Variants in CCNY observed in about 807,000 individuals in gnomAD.
CCNY encodes the protein cyclin Y.
In CCNY, 19 loss-of-function variants were observed where a neutral mutation model predicts 42.8. That is an observed-to-expected ratio of 0.44 (90% CI 0.31 to 0.65). CCNY has a LOEUF of 0.65. Ranked by LOEUF, CCNY falls within the 30% of genes least tolerant of loss-of-function variation. The probability of loss-of-function intolerance (pLI) is 0.07; values close to 1 mark genes in which losing one functional copy is unlikely to be tolerated. For synonymous variants in CCNY, 165 were observed against 162.7 expected (o/e 1.01, Z -0.11); for missense variants, 370 against 437.3 (o/e 0.85, Z 1.37).
chr10:35,307,818 A>ATTTTT (rs1241404700), intron 3 of CCNY, among the ~76,000 whole-genome samples: 1 of 96,168 alleles, frequency 1.0e-5, no homozygotes, highest in South Asian at 3.5e-4. Context: ...ATATATATAT[A>ATTTTT]TTTTTTTTTT....
chr10:35,472,354 T>C (rs1476091556), intron 1 of CCNY, among the ~76,000 whole-genome samples: 1 of 152,220 alleles, frequency 6.6e-6, no homozygotes, highest in Non-Finnish European at 1.5e-5. Flanking sequence ...TGAGCATCTC[T>C]TTGGGGAATG....
chr10:35,336,553 C>T lies in CCNY; in HGVS notation c.-501C>T, dbSNP rs1836032875. 6.7e-6 allele frequency among the ~76,000 whole-genome samples: 1 copy of T among 149,070 alleles called. No individual in the cohort carries two copies. The highest frequency in any genetic ancestry group is 6.7e-5 in the Admixed American group (1 of 15,002). On this transcript the variant is annotated 5_prime_UTR_variant, in exon 1 of 10. Transcript: ENST00000374704. Reference sequence around the variant, plus strand: ...CACCGCGCCGCGAGGAGTCCGGGGGCTGCGCCCACGCCCGCTGCCCGCCCG... The same window carrying T: ...CACCGCGCCGCGAGGAGTCCGGGGGTTGCGCCCACGCCCGCTGCCCGCCCG...
intron 1 of CCNY, among the ~76,000 whole-genome samples, chr10:35,423,143 C>A (rs1268138472): frequency 6.6e-6 from 1 of 152,092 alleles, no homozygotes; most frequent in Non-Finnish European, 1.5e-5. Context: ...GCCTTTAATT[C>A]ATTTCCACTT....
intron 1 of CCNY, among the ~76,000 whole-genome samples, chr10:35,344,984 A>G (rs966419568): frequency 5.3e-5 from 8 of 152,328 alleles, no homozygotes; most frequent in Middle Eastern, 3.4e-3. Flanking sequence ...ATTGTTGGAC[A>G]TTTGGGTTGG....
At chr10:35,536,941 A>G (rs551509781) in intron 7 of CCNY, among the ~76,000 whole-genome samples, 91 of 152,332 alleles carry the variant, frequency 6.0e-4, no homozygotes, top group African/African-American at 2.1e-3. Flanking sequence ...GTTAATCCCC[A>G]AGACAATGGG....
chr10:35,257,087 T>G (rs1449599090), intron 3 of CCNY, among the ~76,000 whole-genome samples: 1 of 152,046 alleles, frequency 6.6e-6, no homozygotes, highest in Non-Finnish European at 1.5e-5. Flanking sequence ...AAATCTTTGT[T>G]TCTCCATATG....
chr10:35,565,957 G>C, intron 8 of CCNY, 66 bp from the exon 9 acceptor site: 1 of 1,522,618 alleles, frequency 6.6e-7, no homozygotes, highest in Non-Finnish European at 8.9e-7. Flanking sequence ...CCAGCAACTT[G>C]CCTTGGCAGG....
chr10:35,250,240 C>T (rs1259005833), intron 2 of CCNY, among the ~76,000 whole-genome samples: 4 of 151,184 alleles, frequency 2.6e-5, no homozygotes, highest in Non-Finnish European at 5.9e-5. Flanking sequence ...TGGTGGGCTC[C>T]TGTAATCCCA....
chr10:35,565,562 CCTT>C (rs1211395251), intron 8 of CCNY, among the ~76,000 whole-genome samples: 1 of 152,202 alleles, frequency 6.6e-6, no homozygotes, highest in East Asian at 1.9e-4. Flanking sequence ...ACAGTTCCTC[CCTT>C]CTTTTCTCCC....
chr10:35,538,898 G>A (rs1840940661), intron 7 of CCNY, among the ~76,000 whole-genome samples: 2 of 152,022 alleles, frequency 1.3e-5, no homozygotes, highest in African/African-American at 4.8e-5. Context: ...CTTCCTTTAG[G>A]AGTTTTATAA....
Position 35,280,058 on chromosome 10 carries a change from C to T in CCNY, c.-9+29432C>T, listed in dbSNP as rs141115729. Among the ~76,000 whole-genome samples the T allele has an allele frequency of 1.1e-3, 165 of 152,336 alleles. 1 individual carries two copies. Among genetic ancestry groups the T allele is most frequent in the Non-Finnish European group, 1.8e-3 (121 of 68,042 alleles). The stretch of plus-strand genomic sequence containing the variant: ...TTGTTCAGATCACCAAAGATCTCCA[C>T]GTTTCATCTTTGTATCTATGTCCAG... On this transcript the variant is annotated intron_variant, in intron 3 of 11. Transcript: ENST00000374706.
At chr10:35,295,591 C>A (rs564799404) in intron 3 of CCNY, among the ~76,000 whole-genome samples, 2 of 152,208 alleles carry the variant, frequency 1.3e-5, no homozygotes, top group African/African-American at 4.8e-5. Context: ...TTTACCCTAC[C>A]CCAGCCCCTG....
chr10:35,365,341 T>C (rs1010789283), intron 1 of CCNY, among the ~76,000 whole-genome samples: 5 of 152,214 alleles, frequency 3.3e-5, no homozygotes, highest in African/African-American at 4.8e-5. Context: ...TTTAAAAAAG[T>C]GGTTGCTGTT....
intron 3 of CCNY, among the ~76,000 whole-genome samples, chr10:35,272,754 G>A (rs1393373293): frequency 6.6e-6 from 1 of 152,036 alleles, no homozygotes; most frequent in Non-Finnish European, 1.5e-5. Context: ...TCTTTATGAT[G>A]GAATGATTTA....
chr10:35,293,040 A>G (rs1444298007), intron 3 of CCNY, among the ~76,000 whole-genome samples: 1 of 151,992 alleles, frequency 6.6e-6, no homozygotes, highest in Non-Finnish European at 1.5e-5. Context: ...TTGGCCTCCC[A>G]AAGTGCTGAG....
chr10:35,287,985 G>T (rs567129889), intron 3 of CCNY, among the ~76,000 whole-genome samples: 1 of 152,110 alleles, frequency 6.6e-6, no homozygotes, highest in African/African-American at 2.4e-5. Flanking sequence ...CTAGGAGAGG[G>T]ATTCCTAGGC....
chr10:35,471,643 T>C (rs1237283799), intron 1 of CCNY, among the ~76,000 whole-genome samples: 4 of 152,186 alleles, frequency 2.6e-5, no homozygotes, highest in Non-Finnish European at 4.4e-5. Context: ...TGTGCTCAGC[T>C]GACACATGGA....
chr10:35,316,363 G>A (rs1164850987), intron 3 of CCNY: 1 of 152,214 alleles, frequency 6.6e-6, no homozygotes, highest in Non-Finnish European at 1.5e-5. Context: ...CACCACTGCA[G>A]TGTGCATTCC....
At chr10:35,472,022 A>G (rs572743475) in intron 1 of CCNY, among the ~76,000 whole-genome samples, 5 of 152,288 alleles carry the variant, frequency 3.3e-5, no homozygotes, top group African/African-American at 4.8e-5. Context: ...AAATTTAACA[A>G]TCTTTAGTGT....
Sources: gnomAD v4.1 joint callset for allele counts (sites outside exome capture counted in the v4.1 genomes callset) on GRCh38, gnomAD v4.1.1 for gene constraint, MANE v1.5 for transcripts, NCBI Gene and HGNC (gene_info 2026-07-23, HGNC 2026-07-21) for gene names.